SLIT2: variants seen among roughly 807,000 people sequenced by gnomAD.
SLIT2 encodes slit homolog 2 protein.
In SLIT2, 41 loss-of-function variants were observed where a neutral mutation model predicts 185.7. That is an observed-to-expected ratio of 0.22 (90% CI 0.17 to 0.29). The LOEUF is 0.29. Ranked by LOEUF, SLIT2 falls within the 10% of genes least tolerant of loss-of-function variation. The pLI, the probability that SLIT2 is intolerant of heterozygous loss-of-function variation, is 1.00. For synonymous variants in SLIT2, 693 were observed against 680.2 expected (o/e 1.02, Z -0.29); for missense variants, 1,571 against 1,909.0 (o/e 0.82, Z 3.30).
At chr4:20,397,469 A>G (rs949006741) in intron 4 of SLIT2, among the ~76,000 whole-genome samples, 1 of 151,782 alleles carries the variant, frequency 6.6e-6, no homozygotes, top group South Asian at 2.1e-4. Context: ...TTTGTTCTGC[A>G]TAAGAAACTG....
At chr4:20,497,634 C>T (rs902423686) in intron 9 of SLIT2, among the ~76,000 whole-genome samples, 1 of 152,152 alleles carries the variant, frequency 6.6e-6, no homozygotes, top group Non-Finnish European at 1.5e-5. Context: ...GTTAAATGTT[C>T]TCTTATTTCC....
rs1272803180 is a variant in SLIT2 at position 20,452,635 on chromosome 4, G to C, written c.396-15117G>C. 2.0e-5 allele frequency among the ~76,000 whole-genome samples: 3 copies of C among 151,846 alleles called. No individual in the cohort carries two copies. The East Asian group carries it at 5.8e-4, about 29-fold the overall frequency. On this transcript the variant is annotated intron_variant, in intron 4 of 36. Coordinates refer to ENST00000504154, the MANE Select transcript of SLIT2 (RefSeq NM_004787.4). ...TTCTCTTTTGTCTTTTGTTTCCTAG[G>C]ATATGGCCTGGGTATGGAAAGAAAC...
rs1008035386 is a variant in SLIT2 at position 20,598,414 on chromosome 4, C to T, written c.3692+19C>T. ...TTTACAGGTGAAGATCTCTCAGTTA[C>T]GGGTAAAGGTGAAAAAAATTGCTTA... On this transcript the variant is annotated intron_variant, in intron 33 of 36. Transcript: ENST00000504154. 51 of 1,613,170 alleles carry T rather than the reference C, an allele frequency of 3.2e-5. No individual in the cohort carries two copies. Among genetic ancestry groups the T allele is most frequent in the Middle Eastern group, 3.3e-4 (2 of 6,050 alleles).
chr4:20,299,724 CA>C (rs1191114385), intron 4 of SLIT2, among the ~76,000 whole-genome samples: 2 of 151,402 alleles, frequency 1.3e-5, no homozygotes, highest in African/African-American at 2.4e-5. Flanking sequence ...TAAGGCCCGA[CA>C]GGGGGAGCCA....
At position 20,467,468 on chromosome 4, in the gene SLIT2, G is replaced by C. The variant is rs578231991; in HGVS notation, c.396-284G>C. On this transcript the variant is annotated intron_variant, in intron 4 of 36. Transcript: ENST00000504154. ...TTTAAAGAAATGTTTTTGTTACACA[G>C]ATACAGTGACTCTTAAATTTACGAG... 7.8e-4 allele frequency among the ~76,000 whole-genome samples: 118 copies of C among 152,016 alleles called. 1 individual carries two copies. The highest frequency in any genetic ancestry group is 2.7e-3 in the African/African-American group (113 of 41,518).
intron 4 of SLIT2, among the ~76,000 whole-genome samples, chr4:20,290,539 C>T (rs891464234): frequency 2.6e-5 from 4 of 152,120 alleles, no homozygotes; most frequent in Non-Finnish European, 5.9e-5. Flanking sequence ...GCCTAGAGCA[C>T]GGGGTCCTGG....
intron 4 of SLIT2, among the ~76,000 whole-genome samples, chr4:20,442,485 C>CT (rs1368605112): frequency 1.4e-5 from 2 of 140,122 alleles, no homozygotes; most frequent in African/African-American, 5.5e-5. Context: ...GATCGCGCCA[C>CT]TGCGCTCCAG....
Position 20,568,879 on chromosome 4 carries a change from A to G in SLIT2, c.2963A>G (p.Asp988Gly). 1.9e-6 allele frequency: 3 copies of G among 1,612,272 alleles called. No individual in the cohort carries two copies. The highest frequency in any genetic ancestry group is 2.5e-6 in the Non-Finnish European group (3 of 1,178,732). The change falls in exon 29 of 37, where the codon GAT becomes GGT. Residue 988 changes from aspartate to glycine, a missense_variant. Asp to Gly is a moderately conservative substitution (Grantham distance 94, BLOSUM62 -1). Around this residue, in one of 3 missense-constraint regions of SLIT2, gnomAD observed 1,202 missense variants for 1,416.4 expected, o/e 0.85. Coordinates refer to ENST00000504154, the MANE Select transcript of SLIT2 (RefSeq NM_004787.4). The stretch of plus-strand genomic sequence containing the variant: ...CTGGCATTCAGGTGTATTTGTGCTG[A>G]TGGATTTGAAGGAGAAAATTGTGAA... ...EEDGFWCICA[D>G]GFEGENCEVN...
At chr4:20,446,237 A>G (rs915008585) in intron 4 of SLIT2, among the ~76,000 whole-genome samples, 1 of 152,202 alleles carries the variant, frequency 6.6e-6, no homozygotes, top group African/African-American at 2.4e-5. Flanking sequence ...ATTGTTAACA[A>G]CAGAGCTCAG....
rs568583465 is a variant in SLIT2 at position 20,616,959 on chromosome 4, G to A, written c.3897G>A (p.Gln1299=). ...CATCTCTGCGCCAGGCCCCTGGGCA[G>A]AACGGAACCAGCTTCCACGGCTGCA... is the stretch of plus-strand genomic sequence containing the variant. The part of the protein sequence containing the change: ...NVASLRQAPG[Q]NGTSFHGCIR... The change falls in exon 35 of 37, where the codon CAG becomes CAA. Residue 1299 remains glutamine, a synonymous_variant. Transcript: ENST00000504154. The A allele has an allele frequency of 8.7e-6, 14 of 1,613,796 alleles. No homozygotes were observed. Among genetic ancestry groups the A allele is most frequent in the Admixed American group, 5.0e-5 (3 of 60,026 alleles).
chr4:20,386,069 C>A (rs1724914151), intron 4 of SLIT2, among the ~76,000 whole-genome samples: 1 of 152,030 alleles, frequency 6.6e-6, no homozygotes, highest in African/African-American at 2.4e-5. Context: ...CTCCCCCCAC[C>A]AAAAATGCCA....
chr4:20,365,727 T>A (rs1404743794), intron 4 of SLIT2, among the ~76,000 whole-genome samples: 1 of 152,124 alleles, frequency 6.6e-6, no homozygotes, highest in Non-Finnish European at 1.5e-5. Flanking sequence ...CCACACTGCT[T>A]TTCACTCGCA....
At chr4:20,434,112 G>T (rs1430922559) in intron 4 of SLIT2, among the ~76,000 whole-genome samples, 2 of 152,268 alleles carry the variant, frequency 1.3e-5, no homozygotes, top group East Asian at 3.9e-4. Context: ...CGTCATCGGG[G>T]GAAGGCAGGT....
At chr4:20,446,856 C>G (rs865855877) in intron 4 of SLIT2, among the ~76,000 whole-genome samples, 11 of 152,192 alleles carry the variant, frequency 7.2e-5, no homozygotes, top group South Asian at 2.1e-4. Flanking sequence ...ACCCCAACTT[C>G]TCTGTGTTGT....
chr4:20,425,556 G>T (rs1473522480), intron 4 of SLIT2, among the ~76,000 whole-genome samples: 2 of 152,098 alleles, frequency 1.3e-5, no homozygotes, highest in Non-Finnish European at 2.9e-5. Context: ...CCCGTTTAAA[G>T]AAATGTCATA....
chr4:20,444,643 A>G (rs897461211), intron 4 of SLIT2, among the ~76,000 whole-genome samples: 1 of 152,236 alleles, frequency 6.6e-6, no homozygotes, highest in African/African-American at 2.4e-5. Context: ...CCAGTGCAGT[A>G]TCGGTGCAAT....
At position 20,373,293 on chromosome 4, in the gene SLIT2, G is replaced by A. The variant is rs539165378; in HGVS notation, c.396-94459G>A. On this transcript the variant is annotated intron_variant, in intron 4 of 36. Coordinates refer to ENST00000504154, the MANE Select transcript of SLIT2 (RefSeq NM_004787.4). The stretch of plus-strand genomic sequence containing the variant: ...TGACTTATAGTAGATCAATTTCTCC[G>A]CATTTCAATTTACAATTATATGTAA... 6.6e-5 allele frequency among the ~76,000 whole-genome samples: 10 copies of A among 151,930 alleles called. No homozygotes were observed. In the Middle Eastern group the frequency reaches 0.01, roughly 155 times the overall value.
intron 4 of SLIT2, among the ~76,000 whole-genome samples, chr4:20,371,540 T>C (rs1723575564): frequency 6.6e-6 from 1 of 152,120 alleles, no homozygotes; most frequent in Admixed American, 6.6e-5. Context: ...ACTCCCATCT[T>C]TTCTTCAACA....
At chr4:20,335,872 G>C (rs760482156) in intron 4 of SLIT2, among the ~76,000 whole-genome samples, 2 of 151,564 alleles carry the variant, frequency 1.3e-5, no homozygotes, top group Non-Finnish European at 2.9e-5. Flanking sequence ...TACCATTTAT[G>C]GGGGACTACA....
Sources: allele counts gnomAD v4.1 joint callset (sites outside exome capture counted in the v4.1 genomes callset), GRCh38; gene constraint gnomAD v4.1.1; regional missense constraint gnomAD v4.1.1; transcripts MANE v1.5; gene names NCBI Gene and HGNC (gene_info 2026-07-23, HGNC 2026-07-21).